Variants in ADCY9 observed in about 807,000 individuals in gnomAD.
The protein encoded by ADCY9 is adenylate cyclase type 9.
A neutral mutation model predicts 101.5 loss-of-function variants in ADCY9; 50 were observed. The ratio of observed to expected loss-of-function variants is 0.49; its 90% CI spans 0.39 to 0.62. The LOEUF is 0.62. Among genes scored for constraint, ADCY9 ranks in the 20% least tolerant of loss-of-function variants. The pLI, the probability that ADCY9 is intolerant of heterozygous loss-of-function variation, is 0.00. For synonymous variants in ADCY9, 905 were observed against 769.3 expected (o/e 1.18, Z -2.92); for missense variants, 1,662 against 1,800.4 (o/e 0.92, Z 1.39).
intron 2 of ADCY9, among the ~76,000 whole-genome samples, chr16:4,047,122 A>T (rs555375796): frequency 1.8e-4 from 28 of 152,130 alleles, no homozygotes; most frequent in Admixed American, 5.9e-4. Flanking sequence ...TTCGTTTTTT[A>T]AAAAAAATGA....
intron 2 of ADCY9, among the ~76,000 whole-genome samples, chr16:4,054,521 C>T (rs1026749741): frequency 1.3e-5 from 2 of 152,038 alleles, no homozygotes; most frequent in African/African-American, 2.4e-5. Context: ...GTATTAGATA[C>T]GGGAAGCACC....
Position 4,114,890 on chromosome 16 carries a change from C to T in ADCY9, c.553G>A (p.Ala185Thr), listed in dbSNP as rs777948652. 1 of 1,613,754 alleles carries T rather than the reference C, an allele frequency of 6.2e-7. No individual in the cohort carries two copies. Among genetic ancestry groups the T allele is most frequent in the Non-Finnish European group, 8.5e-7 (1 of 1,180,030 alleles). Reference protein sequence around the residue: ...TSLALTLLVFALTLAAQFQVL... With the variant: ...TSLALTLLVFTLTLAAQFQVL... ...TGGAACTGCGCAGCCAGGGTCAGGG[C>T]GAACACCAGCAGGGTGAGAGCCAGC... Residue 185 changes from alanine (A) to threonine (T), a missense_variant, in exon 2 of 11, where the codon GCC (alanine) becomes ACC (threonine). Physicochemically the swap from Ala to Thr is moderately conservative, Grantham distance 58. Coordinates refer to ENST00000294016, the MANE Select transcript of ADCY9 (RefSeq NM_001116.4). This position sits in a 1 kb window ranked among gnomAD's most constrained non-coding sequence, Gnocchi z 4.3.
At chr16:3,959,921 GA>G (rs1233838703), downstream of ADCY9, among the ~76,000 whole-genome samples, 2 of 152,118 alleles carry the variant, frequency 1.3e-5, no homozygotes, top group African/African-American at 4.8e-5. Context: ...AGCTACTCAG[GA>G]GGCTGAGGCA....
intron 2 of ADCY9, among the ~76,000 whole-genome samples, chr16:4,064,384 G>T (rs912349463): frequency 4.6e-5 from 7 of 152,122 alleles, no homozygotes; most frequent in Non-Finnish European, 1.0e-4. Context: ...GTTATGAGTG[G>T]GTAACTGAAG....
At chr16:4,073,952 T>C (rs1278108056) in intron 2 of ADCY9, among the ~76,000 whole-genome samples, 1 of 152,198 alleles carries the variant, frequency 6.6e-6, no homozygotes, top group Non-Finnish European at 1.5e-5. Context: ...ACTGTCTATA[T>C]GGCAGCCGCT....
chr16:4,021,559 A>G (rs2056477068), intron 2 of ADCY9, among the ~76,000 whole-genome samples: 1 of 152,216 alleles, frequency 6.6e-6, no homozygotes, highest in Non-Finnish European at 1.5e-5. Context: ...GTCCCAACTC[A>G]GAGCTAGGAG....
intron 2 of ADCY9, among the ~76,000 whole-genome samples, chr16:4,092,257 A>G (rs888823019): frequency 1.3e-5 from 2 of 152,346 alleles, no homozygotes; most frequent in Admixed American, 6.5e-5. Context: ...GCAACAGAGC[A>G]AGACCCTGTC....
chr16:4,042,165 C>T (rs1045041342), intron 2 of ADCY9, among the ~76,000 whole-genome samples: 2 of 151,912 alleles, frequency 1.3e-5, no homozygotes, highest in African/African-American at 4.8e-5. Context: ...CCTTATGATC[C>T]ATCCACCTCA....
At chr16:4,064,663 G>A (rs866736060) in intron 2 of ADCY9, among the ~76,000 whole-genome samples, 2 of 151,948 alleles carry the variant, frequency 1.3e-5, no homozygotes, top group African/African-American at 2.4e-5. Context: ...TTTGTTTATA[G>A]AGACAGGGTC....
chr16:4,033,576 G>A (rs1597179802), intron 2 of ADCY9, among the ~76,000 whole-genome samples: 1 of 151,876 alleles, frequency 6.6e-6, no homozygotes. Flanking sequence ...TGGGACTACA[G>A]ACGCTAATTT....
chr16:4,084,701 G>A (rs189102744), intron 2 of ADCY9, among the ~76,000 whole-genome samples: 1 of 152,098 alleles, frequency 6.6e-6, no homozygotes, highest in Non-Finnish European at 1.5e-5. Context: ...ACTCCAGCCT[G>A]GATGACAGAG....
chr16:3,993,469 T>A lies in ADCY9; in HGVS notation c.1926A>T (p.Glu642Asp), dbSNP rs973524248. 15 of 1,614,088 alleles carry A rather than the reference T, an allele frequency of 9.3e-6. No individual in the cohort carries two copies. Among genetic ancestry groups the A allele is most frequent in the Admixed American group, 1.7e-5 (1 of 60,016 alleles). ...SCGITFAPKSEAGAEGGAPQN... is the reference protein window; with the variant it reads ...SCGITFAPKSDAGAEGGAPQN... Reference sequence around the variant, plus strand: ...GAGGTGCTCCTCCCTCGGCGCCGGCTTCAGATTTGGGAGCAAATGTGATTC... The same window carrying A: ...GAGGTGCTCCTCCCTCGGCGCCGGCATCAGATTTGGGAGCAAATGTGATTC... Residue 642 changes from glutamate (E) to aspartate (D), a missense_variant, in exon 4 of 11, where the codon GAA becomes GAT. By Grantham distance (45) the Glu-to-Asp change is conservative. Transcript: ENST00000294016.
chr16:3,967,564 AT>A (rs879610481), intron 10 of ADCY9, among the ~76,000 whole-genome samples: 6 of 147,276 alleles, frequency 4.1e-5, no homozygotes, highest in African/African-American at 7.5e-5. Context: ...TAATTAAAAA[AT>A]TTTTTTTTTG....
intron 2 of ADCY9, among the ~76,000 whole-genome samples, chr16:4,053,519 G>T (rs114722199): frequency 0.015 from 2,354 of 152,326 alleles, 58 homozygotes; most frequent in African/African-American, 0.052. Context: ...ATTTATAACA[G>T]TTGGGCACTT....
At chr16:4,006,649 T>C (rs1460785890) in intron 3 of ADCY9, among the ~76,000 whole-genome samples, 2 of 152,122 alleles carry the variant, frequency 1.3e-5, no homozygotes, top group Non-Finnish European at 2.9e-5. Flanking sequence ...ATTTTAAGAA[T>C]GGAGACAGTA....
At chr16:4,095,055 T>G (rs1007988257) in intron 2 of ADCY9, among the ~76,000 whole-genome samples, 10 of 147,980 alleles carry the variant, frequency 6.8e-5, no homozygotes, top group Middle Eastern at 3.2e-3. Context: ...TAGGCTGGAG[T>G]GCAATGGCGC....
downstream of ADCY9, among the ~76,000 whole-genome samples, chr16:3,959,657 C>T (rs975049771): frequency 2.0e-5 from 3 of 152,154 alleles, no homozygotes; most frequent in Non-Finnish European, 4.4e-5. Context: ...TGTACTGAAA[C>T]GTTTTTTAAG....
intron 2 of ADCY9, among the ~76,000 whole-genome samples, chr16:4,096,332 T>A (rs117109849): frequency 0.014 from 2,140 of 152,308 alleles, 19 homozygotes; most frequent in Non-Finnish European, 0.02. Flanking sequence ...TTTAAGCATA[T>A]CTATCTCAAA....
chr16:4,088,649 T>A (rs952723674), intron 2 of ADCY9, among the ~76,000 whole-genome samples: 1 of 151,882 alleles, frequency 6.6e-6, no homozygotes, highest in African/African-American at 2.4e-5. Flanking sequence ...AGGATCTCTG[T>A]CCCTCCTAAG....
Sources: gnomAD v4.1 joint callset for allele counts (sites outside exome capture counted in the v4.1 genomes callset) on GRCh38, gnomAD v4.1.1 for gene constraint, Gnocchi (gnomAD v3.1) non-coding constraint, MANE v1.5 for transcripts, NCBI Gene and HGNC (gene_info 2026-07-23, HGNC 2026-07-21) for gene names.